ABCA4: variants seen among roughly 807,000 people sequenced by gnomAD.
ABCA4 encodes retinal-specific phospholipid-transporting ATPase ABCA4.
ABCA4 carries 196 observed loss-of-function variants against 263.7 expected under a neutral mutation model. The ratio of observed to expected loss-of-function variants is 0.74; its 90% CI spans 0.66 to 0.84. The LOEUF (loss-of-function observed/expected upper bound fraction) is 0.84, where lower values mean the gene tolerates loss of function less well. Ranked by LOEUF, ABCA4 falls within the 40% of genes least tolerant of loss-of-function variation. ABCA4 has a pLI of 0.00. For synonymous variants in ABCA4, 1,133 were observed against 1,094.2 expected, an observed-to-expected ratio of 1.04 and a Z score of -0.70; for missense variants, 2,792 against 2,855.1, an observed-to-expected ratio of 0.98 and a Z score of 0.50.
Position 94,121,057 on chromosome 1 carries a change from C to T in ABCA4, c.-12G>A. ...CTCACGAAGCCCATGCTAATGACCA[C>T]ACGAAGACCAGATTGGTCAGAGCTG... On this transcript the variant is annotated 5_prime_UTR_variant, in exon 1 of 50. It adds an upstream start codon to the 5' untranslated region. Coordinates refer to ENST00000370225, the MANE Select transcript of ABCA4 (RefSeq NM_000350.3). 2 of 1,614,084 alleles carry T rather than the reference C, an allele frequency of 1.2e-6. No individual in the cohort carries two copies. Among genetic ancestry groups the T allele is most frequent in the Non-Finnish European group, 1.7e-6 (2 of 1,179,946 alleles).
intron 10 of ABCA4, 120 bp from the exon 11 acceptor site, chr1:94,078,007 G>A (rs1661583531): frequency 1.1e-6 from 1 of 921,972 alleles, no homozygotes; most frequent in Non-Finnish European, 1.7e-6. Context: ...GCTCCCTGAA[G>A]AGCTGGTGAG....
chr1:93,995,587 T>G (rs1253900360), intron 49 of ABCA4, among the ~76,000 whole-genome samples: 1 of 152,240 alleles, frequency 6.6e-6, no homozygotes, highest in Non-Finnish European at 1.5e-5. Context: ...CTCCATCTTC[T>G]TGTAATTTTT....
At chr1:94,082,490 C>G (rs1368207093) in intron 7 of ABCA4, among the ~76,000 whole-genome samples, 1 of 152,058 alleles carries the variant, frequency 6.6e-6, no homozygotes, top group Non-Finnish European at 1.5e-5. Flanking sequence ...ACAGAGACTC[C>G]CACTGTAGCA....
chr1:94,075,898 A>G (rs1425681402), intron 11 of ABCA4, among the ~76,000 whole-genome samples: 1 of 152,176 alleles, frequency 6.6e-6, no homozygotes, highest in Non-Finnish European at 1.5e-5. Context: ...AGCCAACTCT[A>G]ATCTATCTGG....
At chr1:94,111,675 C>G (rs1662609401) in intron 2 of ABCA4, 96 bp from the exon 3 acceptor site, 13 of 1,404,994 alleles carry the variant, frequency 9.3e-6, no homozygotes, top group Non-Finnish European at 1.1e-5. Context: ...GGGCCCGGGC[C>G]CCTCTGATGT....
chr1:94,042,989 A>G (rs1660562116), intron 21 of ABCA4, 91 bp from the exon 22 acceptor site: 1 of 1,555,464 alleles, frequency 6.4e-7, no homozygotes, highest in Non-Finnish European at 8.9e-7. Flanking sequence ...GGGGTACCTT[A>G]ACCCAGCAGT....
chr1:94,105,001 G>A (rs533666133), intron 4 of ABCA4, among the ~76,000 whole-genome samples: 35 of 151,798 alleles, frequency 2.3e-4, no homozygotes, highest in Admixed American at 5.3e-4. Context: ...GCACACATGC[G>A]CACACATGCA....
intron 13 of ABCA4, among the ~76,000 whole-genome samples, chr1:94,061,052 G>A (rs1470066603): frequency 6.6e-6 from 1 of 152,190 alleles, no homozygotes; most frequent in East Asian, 1.9e-4. Context: ...GATCTTCCCT[G>A]TAAGGCCTTG....
chr1:94,028,918 A>AC (rs1428042499), intron 30 of ABCA4, among the ~76,000 whole-genome samples: 5 of 149,512 alleles, frequency 3.3e-5, no homozygotes, highest in Non-Finnish European at 5.9e-5. Flanking sequence ...AAAAAAAAAA[A>AC]AAAAAAAAAA....
At chr1:94,025,150 G>A in intron 30 of ABCA4, 102 bp from the exon 31 acceptor site, 1 of 951,242 alleles carries the variant, frequency 1.1e-6, no homozygotes, top group Non-Finnish European at 1.7e-6. Context: ...TATGGATTGA[G>A]CTGCTGAGAA....
intron 31 of ABCA4, 31 bp downstream of exon 31, chr1:94,024,923 G>A: frequency 6.4e-7 from 1 of 1,555,140 alleles, no homozygotes; most frequent in South Asian, 1.1e-5. Flanking sequence ...CAGGGAGCCA[G>A]GATAAAAAGC....
Position 94,019,582 on chromosome 1 carries a change from G to A in ABCA4, c.5196C>T (p.Ile1732=), listed in dbSNP as rs940382049. The stretch of plus-strand genomic sequence containing the variant: ...GGAGGCGCTGTAAACTGACACTTAC[G>A]ATGTCCCAGAGGAAGTTGGTCACCC... ...TYWVTNFLWD[I]MNYSVSAGLV... The change falls in exon 36 of 50, where the codon ATC becomes ATT. Residue 1732 remains isoleucine, a splice_region_variant and synonymous_variant. Coordinates refer to ENST00000370225, the MANE Select transcript of ABCA4 (RefSeq NM_000350.3). The A allele has an allele frequency of 2.5e-6, 4 of 1,602,228 alleles. No individual in the cohort carries two copies. The highest frequency in any genetic ancestry group is 1.7e-5 in the Admixed American group (1 of 58,372).
Position 94,113,067 on chromosome 1 carries a change from C to T in ABCA4, c.67-1G>A, listed in dbSNP as rs778908435. On this transcript the variant is annotated splice_acceptor_variant, in intron 1 of 49. Transcript: ENST00000370225. LOFTEE classifies it high-confidence loss of function. ...ACACGAGTTCCACCACAAAGCGAAT[C>T]TGGAAAAACAAAACAAAAAGAGAGA... 6.2e-7 allele frequency: 1 copy of T among 1,613,944 alleles called. No homozygotes were observed. The highest frequency in any genetic ancestry group is 1.1e-5 in the South Asian group (1 of 91,076).
At chr1:94,092,676 A>T (rs1038799787) in intron 6 of ABCA4, among the ~76,000 whole-genome samples, 6 of 151,218 alleles carry the variant, frequency 4.0e-5, no homozygotes, top group Admixed American at 6.6e-5. Flanking sequence ...ACAAGTTATG[A>T]GACTCTTTGG....
intron 11 of ABCA4, among the ~76,000 whole-genome samples, chr1:94,065,819 C>A (rs899322430): frequency 6.6e-6 from 1 of 152,128 alleles, no homozygotes. Context: ...TTTCTTTGGG[C>A]CCAGGCTTCA....
chr1:94,078,749 A>G lies in ABCA4; in HGVS notation c.1240-43T>C, dbSNP rs369227849. ...TCAAGACAGAGACACGAACAGAGAG[A>G]AAAGTGAGAGAGAACTTTTGGTTGT... On this transcript the variant is annotated intron_variant, in intron 9 of 49. Coordinates refer to ENST00000370225, the MANE Select transcript of ABCA4 (RefSeq NM_000350.3). 6.4e-6 allele frequency: 9 copies of G among 1,399,026 alleles called. No individual in the cohort carries two copies. In the African/African-American group the frequency reaches 9.1e-5, roughly 14 times the overall value. 86.7% of individuals were successfully genotyped at this position (1,399,026 alleles called of 1,614,324 possible).
intron 6 of ABCA4, among the ~76,000 whole-genome samples, chr1:94,095,923 A>C (rs1469726203): frequency 1.3e-5 from 2 of 151,374 alleles, no homozygotes; most frequent in East Asian, 3.9e-4. Flanking sequence ...TCCGTGGTTA[A>C]CTGAGGCCGA....
At chr1:93,998,737 A>G (rs1659084942) in intron 47 of ABCA4, among the ~76,000 whole-genome samples, 1 of 148,058 alleles carries the variant, frequency 6.8e-6, no homozygotes, top group Non-Finnish European at 1.5e-5. Context: ...ATTTTATTTT[A>G]TTTTATTTTA....
In ABCA4 at chr1:94,079,434, C is replaced by A; in HGVS notation, c.1127G>T (p.Ser376Ile). The change falls in exon 9 of 50, where the codon AGC becomes ATC. Residue 376 changes from serine (S) to isoleucine (I), a missense_variant. Transcript: ENST00000370225. Reference sequence around the variant, plus strand: ...TTTGGTTAAAGGATTTGACTCCAGGCTCTGGATCAATGCATTACAAAAGGA... The same window carrying A: ...TTTGGTTAAAGGATTTGACTCCAGGATCTGGATCAATGCATTACAAAAGGA... ...TTSFCNALIQSLESNPLTKIA... is the reference protein window; with the variant it reads ...TTSFCNALIQILESNPLTKIA... 1 of 1,614,214 alleles carries A rather than the reference C, an allele frequency of 6.2e-7. No homozygotes were observed. Among genetic ancestry groups the A allele is most frequent in the Non-Finnish European group, 8.5e-7 (1 of 1,180,034 alleles).
Sources: allele counts gnomAD v4.1 joint callset (sites outside exome capture counted in the v4.1 genomes callset), GRCh38; gene constraint gnomAD v4.1.1; transcripts MANE v1.5; gene names NCBI Gene and HGNC (gene_info 2026-07-23, HGNC 2026-07-21).